EXPH5: variants seen among roughly 807,000 people sequenced by gnomAD.
The protein encoded by EXPH5 is exophilin 5, also known as exophilin-5.
Under a neutral mutation model 41.1 loss-of-function variants are expected in EXPH5, and 42 were observed. That is an observed-to-expected ratio of 1.02 (90% CI 0.80 to 1.32). EXPH5 has a LOEUF of 1.32. Among genes scored for constraint, EXPH5 ranks in the 40% most tolerant of loss-of-function variants. The probability of loss-of-function intolerance (pLI) is 0.00; values close to 1 mark genes in which losing one functional copy is unlikely to be tolerated. For synonymous variants in EXPH5, 798 were observed against 833.5 expected, an observed-to-expected ratio of 0.96 and a Z score of 0.73; for missense variants, 2,298 against 2,314.5, an observed-to-expected ratio of 0.99 and a Z score of 0.15.
rs1474184394 is a variant in EXPH5, at chr11:108,507,848, GT to G, written c.*1688del. 6.6e-6 allele frequency: 1 copy of G among 151,718 alleles called. No homozygotes were observed. The highest frequency in any genetic ancestry group is 2.4e-5 in the African/African-American group (1 of 41,254). The allele number at this position is 151,718 out of a possible 1,614,324, so 9.4% of individuals were successfully genotyped here. A position where few individuals can be genotyped will look rare whatever the true frequency, so the allele number is the denominator to read the frequency against. Reference sequence around the variant, plus strand: ...TAAAATGCCCCACCTGAAAAGAAGCGTTCTACCTTGCAATTAAAGAAAATGT... The same window carrying G: ...TAAAATGCCCCACCTGAAAAGAAGCGTCTACCTTGCAATTAAAGAAAATGT... On this transcript the variant is annotated 3_prime_UTR_variant, in exon 6 of 6. Coordinates refer to ENST00000265843, the MANE Select transcript of EXPH5 (RefSeq NM_015065.3).
At chr11:108,566,624 G>A (rs1423697195) in intron 1 of EXPH5, among the ~76,000 whole-genome samples, 4 of 152,032 alleles carry the variant, frequency 2.6e-5, no homozygotes, top group Admixed American at 2.6e-4. Flanking sequence ...AGGCCGAGGT[G>A]GGAGGATTGC....
rs772984057 is a variant in EXPH5, at chr11:108,559,868, A to G, written c.120-18056T>C. On this transcript the variant is annotated intron_variant, in intron 1 of 5. Transcript: ENST00000265843. ...CATTACTTTCACTTCTCATACTGTA[A>G]TTAAAATCCACTATTATTGCATTCA... Among the ~76,000 whole-genome samples the G allele has an allele frequency of 4.6e-5, 7 of 152,230 alleles. No homozygotes were observed. In the South Asian group the frequency reaches 6.2e-4, roughly 14 times the overall value.
Position 108,513,118 on chromosome 11 carries a change from T to A in EXPH5, c.2389A>T (p.Arg797Trp). 1 of 1,611,522 alleles carries A rather than the reference T, an allele frequency of 6.2e-7. No individual in the cohort carries two copies. The highest frequency in any genetic ancestry group is 1.3e-5 in the African/African-American group (1 of 74,796). The change falls in exon 6 of 6, where the codon AGG becomes TGG. Residue 797 changes from arginine (R) to tryptophan (W), a missense_variant. Arg to Trp is a moderately radical substitution (Grantham distance 101, BLOSUM62 -3). Transcript: ENST00000265843. ...CCAAGTTTTCTGTTTTCAGTAAACC[T>A]CTTATCTTGTTTAATGTCATTGGAT... ...DKSNDIKQDKRFTENRKLGST... is the reference protein window; with the variant it reads ...DKSNDIKQDKWFTENRKLGST...
Position 108,529,490 on chromosome 11 carries a change from G to A in EXPH5, c.444-1306C>T, listed in dbSNP as rs149068961. Among the ~76,000 whole-genome samples the A allele has an allele frequency of 4.8e-3, 737 of 152,226 alleles. 3 individuals are homozygous for A. The highest frequency in any genetic ancestry group is 0.01 in the Middle Eastern group (3 of 294). ...TGTGATTACAGGCATGAGCCACTGCGTCTGGCATAATCTTTTAAATCTACA... is the reference window on the plus strand; with the variant it reads ...TGTGATTACAGGCATGAGCCACTGCATCTGGCATAATCTTTTAAATCTACA... On this transcript the variant is annotated intron_variant, in intron 3 of 5. Transcript: ENST00000265843.
chr11:108,540,715 G>A (rs140106865), intron 2 of EXPH5, among the ~76,000 whole-genome samples: 82 of 152,114 alleles, frequency 5.4e-4, no homozygotes, highest in African/African-American at 1.8e-3. Context: ...TATATAGAAG[G>A]CATTTATTAG....
intron 1 of EXPH5, among the ~76,000 whole-genome samples, chr11:108,559,454 A>C (rs1055455093): frequency 6.6e-6 from 1 of 152,230 alleles, no homozygotes; most frequent in African/African-American, 2.4e-5. Flanking sequence ...GCACAGCTGC[A>C]AAGCAGGTTA....
the EXPH5 span, among the ~76,000 whole-genome samples, chr11:108,604,014 G>T: frequency 6.6e-6 from 1 of 152,212 alleles, no homozygotes; most frequent in East Asian, 1.9e-4. Context: ...TGGACCTAGT[G>T]GTCAGGTCAG....
At chr11:108,593,789 G>A (rs963953032), upstream of EXPH5, 45 of 1,529,020 alleles carry the variant, frequency 2.9e-5, no homozygotes, top group African/African-American at 6.2e-4. Context: ...GGGAGAGAGG[G>A]AACCAATCCC....
At position 108,509,469 on chromosome 11, in the gene EXPH5, G is replaced by A. The variant is rs761768549; in HGVS notation, c.*68C>T. On this transcript the variant is annotated 3_prime_UTR_variant, in exon 6 of 6. Coordinates refer to ENST00000265843, the MANE Select transcript of EXPH5 (RefSeq NM_015065.3). ...AGATCTTTTATCCTTCCATGCACAT[G>A]CACATGTACACCTTAGTTCCATTAT... 2.5e-5 allele frequency: 35 copies of A among 1,404,558 alleles called. No homozygotes were observed. The highest frequency in any genetic ancestry group is 3.4e-5 in the Non-Finnish European group (35 of 1,042,862). 87.0% of individuals were successfully genotyped at this position (1,404,558 alleles called of 1,614,324 possible).
chr11:108,576,845 A>G (rs145733300), intron 1 of EXPH5, among the ~76,000 whole-genome samples: 10 of 152,224 alleles, frequency 6.6e-5, no homozygotes, highest in African/African-American at 2.4e-4. Flanking sequence ...ATCTAACTGT[A>G]TTTTTGTGCC....
In EXPH5 at chr11:108,511,346, T is replaced by C. The variant is rs2093679662; in HGVS notation, c.4161A>G (p.Lys1387=). Residue 1387 remains lysine (K), a synonymous_variant, in exon 6 of 6, where the codon AAA becomes AAG. Coordinates refer to ENST00000265843, the MANE Select transcript of EXPH5 (RefSeq NM_015065.3). ...GDSENKKERG[K]KLQSETLHTS... ...TATGCAGGGTTTCACTTTGCAACTT[T>C]TTGCCTCTTTCCTTCTTGTTTTCTG... 1 of 1,579,728 alleles carries C rather than the reference T, an allele frequency of 6.3e-7. No homozygotes were observed. The highest frequency in any genetic ancestry group is 2.2e-5 in the East Asian group (1 of 44,708).
chr11:108,535,447 C>G (rs879704517), intron 3 of EXPH5, among the ~76,000 whole-genome samples: 1 of 152,174 alleles, frequency 6.6e-6, no homozygotes, highest in Non-Finnish European at 1.5e-5. Flanking sequence ...AGCTTGCTTT[C>G]TCTGACTTCT....
rs1349675878 is a variant in EXPH5 at position 108,589,975 on chromosome 11, C to T, written c.119+3443G>A. Among the ~76,000 whole-genome samples the T allele has an allele frequency of 3.3e-5, 5 of 152,052 alleles. No homozygotes were observed. The South Asian group carries it at 8.3e-4, about 25-fold the overall frequency. On this transcript the variant is annotated intron_variant, in intron 1 of 5. Coordinates refer to ENST00000265843, the MANE Select transcript of EXPH5 (RefSeq NM_015065.3). ...TAAGGGCCTAATAAATGTTAGCTGT[C>T]GTTATTACCACAATAATTACTATTA...
chr11:108,534,982 T>C (rs1213921471), intron 3 of EXPH5, among the ~76,000 whole-genome samples: 1 of 152,226 alleles, frequency 6.6e-6, no homozygotes. Context: ...GACTTTGCTT[T>C]CATTTCACTG....
chr11:108,564,114 T>C (rs2094024402), intron 1 of EXPH5, among the ~76,000 whole-genome samples: 1 of 151,780 alleles, frequency 6.6e-6, no homozygotes, highest in Non-Finnish European at 1.5e-5. Context: ...ACCCTGTCTC[T>C]ACTAAAAATA....
rs1185460684 is a variant in EXPH5 at position 108,508,046 on chromosome 11, G to A, written c.*1491C>T. The stretch of plus-strand genomic sequence containing the variant: ...AAAAAAAAATTAGCCAGGTGTGGTG[G>A]TGGGTGCCTGTAGTCCCAGCTACTT... On this transcript the variant is annotated 3_prime_UTR_variant, in exon 6 of 6. Coordinates refer to ENST00000265843, the MANE Select transcript of EXPH5 (RefSeq NM_015065.3). 1.3e-5 allele frequency: 2 copies of A among 151,668 alleles called. No individual in the cohort carries two copies. The highest frequency in any genetic ancestry group is 2.9e-5 in the Non-Finnish European group (2 of 68,358). 9.4% of individuals were successfully genotyped at this position (151,668 alleles called of 1,614,324 possible).
the EXPH5 span, among the ~76,000 whole-genome samples, chr11:108,599,198 A>T: frequency 6.6e-6 from 1 of 152,150 alleles, no homozygotes; most frequent in Non-Finnish European, 1.5e-5. Context: ...TCTGGGCAGA[A>T]CTCACCTCAC....
chr11:108,592,916 C>G (rs1482269), intron 1 of EXPH5, among the ~76,000 whole-genome samples: 63,525 of 152,154 alleles, frequency 0.42, 14,285 homozygotes, highest in Admixed American at 0.49. Context: ...GCTGACTGCC[C>G]GCATTGGGTG....
In EXPH5 at chr11:108,513,911, T is replaced by C. The variant is rs1291019543; in HGVS notation, c.1596A>G (p.Ser532=). ...GHNVSSEHWE[S]FSSGYGTDVS... ...CATCTGTTCCATAACCAGAAGAAAA[T>C]GATTCCCAGTGTTCAGAAGAAACAT... The change falls in exon 6 of 6, where the codon TCA becomes TCG. Residue 532 remains serine (S), a synonymous_variant. Coordinates refer to ENST00000265843, the MANE Select transcript of EXPH5 (RefSeq NM_015065.3). 1.2e-6 allele frequency: 2 copies of C among 1,610,004 alleles called. No individual in the cohort carries two copies. Among genetic ancestry groups the C allele is most frequent in the South Asian group, 1.1e-5 (1 of 90,070 alleles).
Sources: allele counts gnomAD v4.1 joint callset (sites outside exome capture counted in the v4.1 genomes callset), GRCh38; gene constraint gnomAD v4.1.1; transcripts MANE v1.5; gene names NCBI Gene and HGNC (gene_info 2026-07-23, HGNC 2026-07-21).